OIP5: variants seen among roughly 807,000 people sequenced by gnomAD.
OIP5 encodes the protein Opa interacting protein 5.
A neutral mutation model predicts 20.3 loss-of-function variants in OIP5; 24 were observed. The ratio of observed to expected loss-of-function variants is 1.18; its 90% CI spans 0.86 to 1.66. OIP5 has a LOEUF of 1.66. Among genes scored for constraint, OIP5 ranks in the 40% most tolerant of loss-of-function variants. The probability of loss-of-function intolerance (pLI) is 0.00; values close to 1 mark genes in which losing one functional copy is unlikely to be tolerated. For missense variants in OIP5, 339 were observed against 289.5 expected, an observed-to-expected ratio of 1.17 and a Z score of -1.24; for synonymous variants, 143 against 121.3, an observed-to-expected ratio of 1.18 and a Z score of -1.17.
chr15:41,331,905 CAATACG>C lies in OIP5; in HGVS notation c.389+4_389+9del. 6.2e-7 allele frequency: 1 copy of C among 1,611,978 alleles called. No individual in the cohort carries two copies. The highest frequency in any genetic ancestry group is 8.5e-7 in the Non-Finnish European group (1 of 1,178,114). On this transcript the variant is annotated splice_donor_5th_base_variant and intron_variant, in intron 2 of 4. Coordinates refer to ENST00000220514, the MANE Select transcript of OIP5 (RefSeq NM_007280.2). Reference sequence around the variant, plus strand: ...AGGGACTAGAGACCAATGTAATTATCAATACGTACCTGCCTTTGAGTGAACCTTCAA... The same window carrying C: ...AGGGACTAGAGACCAATGTAATTATCTACCTGCCTTTGAGTGAACCTTCAA...
At position 41,309,751 on chromosome 15, in the gene OIP5, G is replaced by C. The variant is rs746045476; in HGVS notation, c.*3C>G. ...AACCTGACACTCAAGCTTTGGTACA[G>C]GATCAGTTTTCTGGCTTGGACTGGT... On this transcript the variant is annotated 3_prime_UTR_variant, in exon 5 of 5. Transcript: ENST00000220514. The C allele has an allele frequency of 5.0e-6, 8 of 1,603,072 alleles. No individual in the cohort carries two copies. In the Admixed American group the frequency reaches 1.2e-4, roughly 23 times the overall value.
At chr15:41,330,409 A>T (rs796286211) in intron 2 of OIP5, among the ~76,000 whole-genome samples, 100 of 128,656 alleles carry the variant, frequency 7.8e-4, no homozygotes, top group African/African-American at 2.6e-3. Context: ...CGTAATCAGT[A>T]TTTTTTTTTT....
rs781322274 is a variant in OIP5 at position 41,332,554 on chromosome 15, G to C, written c.8C>G (p.Ala3Gly). ...ACGTGAGCGATGCCGCAGCGGCTGA[G>C]CCGCCATCTTCCCGCAGCCGGCGCC... Reference protein sequence around the residue: MAAQPLRHRSRCA... With the variant: MAGQPLRHRSRCA... Residue 3 changes from alanine (A) to glycine (G), a missense_variant, in exon 1 of 5, where the codon GCT becomes GGT. By Grantham distance (60) the Ala-to-Gly change is moderately conservative. Transcript: ENST00000220514. 1 of 1,601,438 alleles carries C rather than the reference G, an allele frequency of 6.2e-7. No individual in the cohort carries two copies. The highest frequency in any genetic ancestry group is 2.2e-5 in the East Asian group (1 of 44,804).
Position 41,332,426 on chromosome 15 carries a change from C to G in OIP5, c.136G>C (p.Gly46Arg). 1 of 1,614,106 alleles carries G rather than the reference C, an allele frequency of 6.2e-7. No homozygotes were observed. Among genetic ancestry groups the G allele is most frequent in the Non-Finnish European group, 8.5e-7 (1 of 1,179,936 alleles). The change falls in exon 1 of 5, where the codon GGG (glycine) becomes CGG (arginine). Residue 46 changes from glycine to arginine, a missense_variant. Transcript: ENST00000220514. ...CCTGCGGGGCCGAGCGGCGAGGACC[C>G]CTTCACCACCTGCGTATCCCACTCC... ...SMEWDTQVVK[G>R]SSPLGPAGLG...
intron 2 of OIP5, among the ~76,000 whole-genome samples, chr15:41,320,429 C>T (rs1009570409): frequency 1.3e-5 from 2 of 152,238 alleles, no homozygotes; most frequent in South Asian, 2.1e-4. Context: ...AGGCACGCGC[C>T]GCCACACTTG....
In OIP5 at chr15:41,315,099, C is replaced by CAA. The variant is rs761038863; in HGVS notation, c.513-1747_513-1746dup. ...CCTGTGTGACAGTGAGACCCTGTCT[C>CAA]AAAAAAAAAAAAAAAAAGAATAAAA... On this transcript the variant is annotated intron_variant, in intron 3 of 4. Coordinates refer to ENST00000220514, the MANE Select transcript of OIP5 (RefSeq NM_007280.2). 7.7e-3 allele frequency among the ~76,000 whole-genome samples: 445 copies of CAA among 57,670 alleles called. 2 individuals are homozygous for CAA. The highest frequency in any genetic ancestry group is 0.027 in the African/African-American group (427 of 15,628). 37.8% of individuals were successfully genotyped at this position (57,670 alleles called of 152,430 possible). A position where few individuals can be genotyped will look rare whatever the true frequency, so the allele number is the denominator to read the frequency against.
At chr15:41,331,343 T>C (rs2047908315) in intron 2 of OIP5, among the ~76,000 whole-genome samples, 1 of 152,216 alleles carries the variant, frequency 6.6e-6, no homozygotes, top group African/African-American at 2.4e-5. Flanking sequence ...AGCCCTGGCA[T>C]AGCTTATTAC....
At chr15:41,312,712 C>T (rs1264579701) in intron 4 of OIP5, among the ~76,000 whole-genome samples, 2 of 150,918 alleles carry the variant, frequency 1.3e-5, no homozygotes, top group Non-Finnish European at 3.0e-5. Context: ...TCACTGCAAC[C>T]TCCACCTCCC....
At chr15:41,312,620 C>T (rs770054531) in intron 4 of OIP5, among the ~76,000 whole-genome samples, 8 of 150,176 alleles carry the variant, frequency 5.3e-5, no homozygotes, top group East Asian at 1.9e-4. Context: ...CCACCATGAC[C>T]GGCTAAATTT....
At chr15:41,315,698 C>G (rs559535940) in intron 3 of OIP5, among the ~76,000 whole-genome samples, 1 of 152,320 alleles carries the variant, frequency 6.6e-6, no homozygotes, top group South Asian at 2.1e-4. Context: ...AAATATGTTA[C>G]TAAAAGCTTA....
intron 4 of OIP5, among the ~76,000 whole-genome samples, chr15:41,311,181 A>G (rs776732504): frequency 9.9e-5 from 15 of 152,186 alleles, no homozygotes; most frequent in Non-Finnish European, 1.9e-4. Flanking sequence ...CAGCCTGGCC[A>G]TCATTTTTAG....
chr15:41,321,650 G>T (rs2047829725), intron 2 of OIP5, among the ~76,000 whole-genome samples: 1 of 151,982 alleles, frequency 6.6e-6, no homozygotes, highest in Non-Finnish European at 1.5e-5. Context: ...TCTGAAACAT[G>T]TGCTGTGTCC....
chr15:41,309,765 G>C lies in OIP5; in HGVS notation c.679C>G (p.Pro227Ala), dbSNP rs772241361. The change falls in exon 5 of 5, where the codon CCA becomes GCA. Residue 227 changes from proline to alanine, a missense_variant. Transcript: ENST00000220514. Reference sequence around the variant, plus strand: ...GCTTTGGTACAGGATCAGTTTTCTGGCTTGGACTGGTCAGGAGTCACTTCA... The same window carrying C: ...GCTTTGGTACAGGATCAGTTTTCTGCCTTGGACTGGTCAGGAGTCACTTCA... ...LSEVTPDQSK[P>A]EN The C allele has an allele frequency of 1.2e-6, 2 of 1,612,560 alleles. No individual in the cohort carries two copies. The highest frequency in any genetic ancestry group is 1.6e-4 in the Middle Eastern group (1 of 6,062).
Position 41,319,834 on chromosome 15 carries a change from TAAA to T in OIP5, c.390-57_390-55del, listed in dbSNP as rs1393883348. 6 of 1,479,324 alleles carry T rather than the reference TAAA, an allele frequency of 4.1e-6. No homozygotes were observed. In the East Asian group the frequency reaches 1.5e-4, roughly 36 times the overall value. 91.6% of individuals were successfully genotyped at this position (1,479,324 alleles called of 1,614,324 possible). A position where few individuals can be genotyped will look rare whatever the true frequency, so the allele number is the denominator to read the frequency against. Reference sequence around the variant, plus strand: ...TAAGAATAAAAAATCATATAAGAAATAAAAAATAACTAGTCTCTGAAGCATTCC... The same window carrying T: ...TAAGAATAAAAAATCATATAAGAAATAAATAACTAGTCTCTGAAGCATTCC... On this transcript the variant is annotated intron_variant, in intron 2 of 4. Transcript: ENST00000220514.
intron 2 of OIP5, among the ~76,000 whole-genome samples, chr15:41,323,888 T>A (rs140259821): frequency 6.6e-6 from 1 of 152,208 alleles, no homozygotes; most frequent in Non-Finnish European, 1.5e-5. Context: ...GTACCCACTT[T>A]CATTTTCTGT....
Position 41,314,935 on chromosome 15 carries a change from G to A in OIP5, c.513-1581C>T, listed in dbSNP as rs181668336. Among the ~76,000 whole-genome samples the A allele has an allele frequency of 4.5e-4, 68 of 151,364 alleles. 1 individual carries two copies. In the East Asian group the frequency reaches 5.1e-3, roughly 11 times the overall value. ...CTGTGAGCCAACATGCCTGGCCAGC[G>A]AAACCCCATCTCTACAAAAAATACA... On this transcript the variant is annotated intron_variant, in intron 3 of 4. Transcript: ENST00000220514.
At chr15:41,331,784 A>T (rs1480096615) in intron 2 of OIP5, 131 bp downstream of exon 2, 3 of 756,422 alleles carry the variant, frequency 4.0e-6, no homozygotes, top group African/African-American at 3.4e-5. Context: ...TCATTAATAC[A>T]TCAAGTTCAT....
chr15:41,326,760 A>G (rs1309108030), intron 2 of OIP5, among the ~76,000 whole-genome samples: 1 of 152,118 alleles, frequency 6.6e-6, no homozygotes, highest in African/African-American at 2.4e-5. Context: ...AGTAGGTACT[A>G]CGTCTCTAAC....
In OIP5 at chr15:41,312,511, G is replaced by A. The variant is rs1032733377; in HGVS notation, c.594+762C>T. On this transcript the variant is annotated intron_variant, in intron 4 of 4. Transcript: ENST00000220514. The stretch of plus-strand genomic sequence containing the variant: ...GTCTCGCTCTGTTGCCCAGGCTGGA[G>A]TGCAGTGGCGCAGTCTCGGCTCACT... Among the ~76,000 whole-genome samples the A allele has an allele frequency of 8.6e-5, 13 of 151,254 alleles. 1 individual carries two copies. In the South Asian group the frequency reaches 2.3e-3, roughly 27 times the overall value.
Sources: allele counts gnomAD v4.1 joint callset (sites outside exome capture counted in the v4.1 genomes callset), GRCh38; gene constraint gnomAD v4.1.1; transcripts MANE v1.5; gene names NCBI Gene and HGNC (gene_info 2026-07-23, HGNC 2026-07-21).